The following WDR37 variants were observed in gnomAD, a reference collection of about 807,000 sequenced individuals.
WDR37 encodes WD repeat domain 37.
A neutral mutation model predicts 62.9 loss-of-function variants in WDR37; 19 were observed. The observed-to-expected ratio is 0.30, with a 90% CI of 0.21 to 0.44. WDR37 has a LOEUF of 0.44. WDR37 is among the 20% of genes least tolerant of loss of function. WDR37 has a pLI of 1.00. For missense variants in WDR37, 474 were observed against 657.6 expected, an observed-to-expected ratio of 0.72 and a Z score of 3.05; for synonymous variants, 250 against 260.9, an observed-to-expected ratio of 0.96 and a Z score of 0.40.
intron 7 of WDR37, among the ~76,000 whole-genome samples, chr10:1,092,244 C>A (rs1834420413): frequency 6.6e-6 from 1 of 151,616 alleles, no homozygotes; most frequent in Admixed American, 6.6e-5. Flanking sequence ...CGGTGGCTCA[C>A]GCCTGTAATC....
chr10:1,080,766 T>G (rs1305167549), intron 5 of WDR37, among the ~76,000 whole-genome samples: 1 of 151,794 alleles, frequency 6.6e-6, no homozygotes, highest in Non-Finnish European at 1.5e-5. Flanking sequence ...ATTAGCTGGG[T>G]GTGGTGGCGG....
chr10:1,088,014 C>A (rs910788773), intron 7 of WDR37, among the ~76,000 whole-genome samples: 1 of 152,200 alleles, frequency 6.6e-6, no homozygotes. Flanking sequence ...TCACCTTGTA[C>A]TTTTATGTTG....
intron 9 of WDR37, 154 bp downstream of exon 9, chr10:1,096,400 GC>G (rs1834578387): frequency 1.3e-6 from 1 of 764,978 alleles, no homozygotes; most frequent in Non-Finnish European, 2.2e-6. Context: ...TGGAGATTGG[GC>G]CTCTAAGGTA....
Position 1,104,996 on chromosome 10 carries a change from CTGAGTGAT to C in WDR37, c.962-128_962-121del, listed in dbSNP as rs570801477. On this transcript the variant is annotated intron_variant, in intron 10 of 13. Coordinates refer to ENST00000263150, the MANE Select transcript of WDR37 (RefSeq NM_014023.4). ...CTGCCCCACTGTGACCCACATGCTG[CTGAGTGAT>C]TCCATTAGGTCAGGTTCACAGTCTC... 1.0e-4 allele frequency: 119 copies of C among 1,139,980 alleles called. No individual in the cohort carries two copies. In the South Asian group the frequency reaches 2.1e-3, roughly 20 times the overall value. The allele number at this position is 1,139,980 out of a possible 1,614,324, so 70.6% of individuals were successfully genotyped here.
intron 13 of WDR37, among the ~76,000 whole-genome samples, chr10:1,126,325 GA>G (rs781087593): frequency 1.3e-5 from 2 of 150,620 alleles, no homozygotes; most frequent in Admixed American, 6.6e-5. Context: ...AGAATGGCGT[GA>G]ACCCAGGAGG....
At position 1,076,133 on chromosome 10, in the gene WDR37, CT is replaced by C. The variant is rs889183907; in HGVS notation, c.139-1765del. Among the ~76,000 whole-genome samples, 1,135 of 151,404 alleles carry C rather than the reference CT, an allele frequency of 7.5e-3. 19 individuals are homozygous for C. The highest frequency in any genetic ancestry group is 0.026 in the African/African-American group (1,068 of 41,288). ...AATTTTTATAGTTACATTTTCCTTT[CT>C]TTTTTTTTCCGTGTTCTTCATTGGT... is the stretch of plus-strand genomic sequence containing the variant. On this transcript the variant is annotated intron_variant, in intron 2 of 13. Coordinates refer to ENST00000263150, the MANE Select transcript of WDR37 (RefSeq NM_014023.4).
At chr10:1,066,574 G>A (rs1478620046) in intron 1 of WDR37, among the ~76,000 whole-genome samples, 1 of 152,168 alleles carries the variant, frequency 6.6e-6, no homozygotes, top group African/African-American at 2.4e-5. Flanking sequence ...ATCCCAGCAA[G>A]ATTTTTGTAG....
Position 1,124,317 on chromosome 10 carries a change from C to G in WDR37, c.1203C>G (p.Pro401=), listed in dbSNP as rs779210234. The G allele has an allele frequency of 2.5e-6, 4 of 1,614,224 alleles. No homozygotes were observed. Among genetic ancestry groups the G allele is most frequent in the Admixed American group, 3.3e-5 (2 of 60,030 alleles). ...KVWDLKNMRS[P]IATIRTDSAI... Reference sequence around the variant, plus strand: ...GGGACTTGAAAAATATGAGATCCCCCATTGCAACTATTCGCACGGACTCTG... The same window carrying G: ...GGGACTTGAAAAATATGAGATCCCCGATTGCAACTATTCGCACGGACTCTG... The change falls in exon 12 of 14, where the codon CCC becomes CCG. Residue 401 remains proline (P), a synonymous_variant. Transcript: ENST00000263150.
chr10:1,076,698 T>C (rs561072181), intron 2 of WDR37, among the ~76,000 whole-genome samples: 44 of 146,874 alleles, frequency 3.0e-4, no homozygotes, highest in African/African-American at 1.1e-3. Flanking sequence ...AAAAAAAGTT[T>C]ACGACTCATC....
intron 2 of WDR37, chr10:1,074,398 C>T (rs547029825): frequency 2.3e-5 from 30 of 1,299,804 alleles, no homozygotes; most frequent in African/African-American, 7.6e-5. Context: ...CCAAGCCGCA[C>T]GGCCTCGTCC....
intron 11 of WDR37, chr10:1,123,910 A>T (rs1835662242): frequency 3.3e-6 from 1 of 302,944 alleles, no homozygotes. Flanking sequence ...CCATAGACCC[A>T]GATGTGTAGA....
Position 1,103,564 on chromosome 10 carries a change from G to A in WDR37, c.727-38G>A. The A allele has an allele frequency of 6.3e-7, 1 of 1,598,738 alleles. No homozygotes were observed. Among genetic ancestry groups the A allele is most frequent in the Non-Finnish European group, 8.6e-7 (1 of 1,168,138 alleles). ...GTCAGAAGAAACTCAAGATTTCCAG[G>A]AAATGTCTTTCTTTTCTGGCCTTCC... On this transcript the variant is annotated intron_variant, in intron 9 of 13. Coordinates refer to ENST00000263150, the MANE Select transcript of WDR37 (RefSeq NM_014023.4). This position sits in a 1 kb window ranked among gnomAD's most constrained non-coding sequence, Gnocchi z 6.3.
At chr10:1,075,587 G>GT (rs1833856931) in intron 2 of WDR37, among the ~76,000 whole-genome samples, 1 of 152,082 alleles carries the variant, frequency 6.6e-6, no homozygotes, top group South Asian at 2.1e-4. Flanking sequence ...AACATGATGG[G>GT]TATAGATGAG....
At chr10:1,071,108 G>A (rs1416028938) in intron 1 of WDR37, among the ~76,000 whole-genome samples, 6 of 152,166 alleles carry the variant, frequency 3.9e-5, no homozygotes, top group East Asian at 3.9e-4. Flanking sequence ...AAAGGTTAGC[G>A]TATTTTTCCT....
chr10:1,080,391 T>C (rs1833993367), intron 4 of WDR37, 21 bp from the exon 5 acceptor site: 1 of 1,614,058 alleles, frequency 6.2e-7, no homozygotes, highest in East Asian at 2.2e-5. Flanking sequence ...TGTGTTTGAT[T>C]GTCACTCTCT....
intron 13 of WDR37, among the ~76,000 whole-genome samples, chr10:1,126,889 G>A (rs534010916): frequency 4.1e-4 from 62 of 152,286 alleles, no homozygotes; most frequent in South Asian, 2.1e-3. Context: ...TTTACTCCTC[G>A]ATACACATCC....
intron 1 of WDR37, among the ~76,000 whole-genome samples, chr10:1,068,075 T>A (rs926819745): frequency 6.6e-6 from 1 of 151,914 alleles, no homozygotes; most frequent in Non-Finnish European, 1.5e-5. Context: ...GGGAAGGGTG[T>A]GAGTCGGGGG....
intron 11 of WDR37, among the ~76,000 whole-genome samples, chr10:1,122,476 C>CAT (rs1231592835): frequency 6.6e-6 from 1 of 152,198 alleles, no homozygotes; most frequent in Non-Finnish European, 1.5e-5. Context: ...GAAGTCAGAC[C>CAT]ATGCCTTCCT....
At chr10:1,059,885 C>A (rs765023844) in intron 1 of WDR37, among the ~76,000 whole-genome samples, 1 of 152,124 alleles carries the variant, frequency 6.6e-6, no homozygotes, top group Non-Finnish European at 1.5e-5. Context: ...ATTTCTGTCA[C>A]GCAGGCTGGA....
Sources: gnomAD v4.1 joint callset for allele counts (sites outside exome capture counted in the v4.1 genomes callset) on GRCh38, gnomAD v4.1.1 for gene constraint, Gnocchi (gnomAD v3.1) non-coding constraint, MANE v1.5 for transcripts, NCBI Gene and HGNC (gene_info 2026-07-23, HGNC 2026-07-21) for gene names.